SH3GL2: variants seen among roughly 807,000 people sequenced by gnomAD.
The protein encoded by SH3GL2 is endophilin-A1.
SH3GL2 carries 24 observed loss-of-function variants against 46.0 expected under a neutral mutation model. The ratio of observed to expected loss-of-function variants is 0.52; its 90% CI spans 0.38 to 0.73. The LOEUF is 0.73. Among genes scored for constraint, SH3GL2 ranks in the 30% least tolerant of loss-of-function variants. The pLI is 0.00. For missense variants in SH3GL2, 413 were observed against 424.2 expected (o/e 0.97, Z 0.23); for synonymous variants, 196 against 147.1 (o/e 1.33, Z -2.40).
chr9:17,719,007 A>G (rs147515057), intron 1 of SH3GL2, among the ~76,000 whole-genome samples: 3 of 152,246 alleles, frequency 2.0e-5, no homozygotes, highest in East Asian at 1.9e-4. Context: ...TGTCATAAAG[A>G]TGAGTTAAAA....
chr9:17,586,470 A>G (rs1182734325), intron 1 of SH3GL2, among the ~76,000 whole-genome samples: 10 of 152,210 alleles, frequency 6.6e-5, no homozygotes, highest in Non-Finnish European at 1.3e-4. Flanking sequence ...ATGCTGAGAA[A>G]CATCTCAATA....
chr9:17,721,184 G>T (rs1394623043), intron 1 of SH3GL2, among the ~76,000 whole-genome samples: 1 of 151,974 alleles, frequency 6.6e-6, no homozygotes. Context: ...GCTCTTAGAA[G>T]TGGACCCACC....
chr9:17,742,721 G>A (rs1014124078), intron 1 of SH3GL2, among the ~76,000 whole-genome samples: 12 of 152,196 alleles, frequency 7.9e-5, no homozygotes, highest in Admixed American at 7.2e-4. Flanking sequence ...AATACAGAGT[G>A]TATGGGAAGT....
intron 3 of SH3GL2, among the ~76,000 whole-genome samples, chr9:17,784,831 G>A (rs1188454683): frequency 6.6e-6 from 1 of 152,142 alleles, no homozygotes; most frequent in Non-Finnish European, 1.5e-5. Flanking sequence ...TTCCACGTCA[G>A]CTTCCCTAGT....
chr9:17,658,431 T>A (rs1220571256), intron 1 of SH3GL2, among the ~76,000 whole-genome samples: 7 of 152,244 alleles, frequency 4.6e-5, no homozygotes, highest in Admixed American at 4.6e-4. Context: ...TTCATCTGAA[T>A]TCTGCTGGGT....
intron 7 of SH3GL2, among the ~76,000 whole-genome samples, chr9:17,792,159 C>G (rs79165101): frequency 6.6e-6 from 1 of 152,170 alleles, no homozygotes; most frequent in African/African-American, 2.4e-5. Flanking sequence ...ACCAATCATA[C>G]GATTCCACAC....
intron 1 of SH3GL2, among the ~76,000 whole-genome samples, chr9:17,707,787 C>T (rs16923327): frequency 0.094 from 14,278 of 152,024 alleles, 2,209 homozygotes; most frequent in African/African-American, 0.32. Context: ...AGCACGGTCC[C>T]TTACATAAGC....
intron 3 of SH3GL2, among the ~76,000 whole-genome samples, chr9:17,763,883 C>T (rs758918615): frequency 6.6e-6 from 1 of 152,176 alleles, no homozygotes; most frequent in African/African-American, 2.4e-5. Flanking sequence ...GAAGGGTAGG[C>T]TCCATTTCAT....
At chr9:17,726,916 T>C (rs943133853) in intron 1 of SH3GL2, among the ~76,000 whole-genome samples, 2 of 152,140 alleles carry the variant, frequency 1.3e-5, no homozygotes, top group Non-Finnish European at 2.9e-5. Context: ...GGTTGAATAT[T>C]ATATAGTCAC....
At chr9:17,635,926 C>T (rs911490229) in intron 1 of SH3GL2, among the ~76,000 whole-genome samples, 2 of 152,194 alleles carry the variant, frequency 1.3e-5, no homozygotes, top group East Asian at 1.9e-4. Context: ...AGCCTGGTCA[C>T]AGCAGCAAGT....
chr9:17,764,512 T>C (rs920104953), intron 3 of SH3GL2, among the ~76,000 whole-genome samples: 3 of 152,200 alleles, frequency 2.0e-5, no homozygotes, highest in African/African-American at 7.2e-5. Context: ...GGCCAACCAG[T>C]GTGGATACTG....
At chr9:17,686,509 A>T (rs1170673856) in intron 1 of SH3GL2, among the ~76,000 whole-genome samples, 1 of 147,182 alleles carries the variant, frequency 6.8e-6, no homozygotes, top group East Asian at 2.0e-4. Context: ...TTGCGGCATT[A>T]TCCACAATAG....
At chr9:17,684,165 C>T (rs1383279633) in intron 1 of SH3GL2, among the ~76,000 whole-genome samples, 3 of 151,912 alleles carry the variant, frequency 2.0e-5, no homozygotes, top group Non-Finnish European at 4.4e-5. Context: ...TAACTATGAT[C>T]AATATGTTAA....
intron 1 of SH3GL2, chr9:17,735,929 C>T (rs1002963032): frequency 6.2e-6 from 1 of 160,996 alleles, no homozygotes; most frequent in Non-Finnish European, 1.3e-5. Flanking sequence ...GTTCTGATAC[C>T]TGAGACTGTG....
chr9:17,789,642 T>C (rs762414965), intron 6 of SH3GL2, 92 bp downstream of exon 6: 21 of 1,559,206 alleles, frequency 1.3e-5, no homozygotes, highest in Non-Finnish European at 1.8e-5. Flanking sequence ...CATTAATATC[T>C]GATTACACTA....
At chr9:17,736,063 C>A (rs562667754) in intron 1 of SH3GL2, among the ~76,000 whole-genome samples, 12 of 152,142 alleles carry the variant, frequency 7.9e-5, no homozygotes, top group Non-Finnish European at 1.6e-4. Flanking sequence ...CAGCAGACCT[C>A]ACGGCATAGG....
intron 1 of SH3GL2, among the ~76,000 whole-genome samples, chr9:17,733,699 A>G (rs1207354884): frequency 6.6e-6 from 1 of 152,128 alleles, no homozygotes; most frequent in East Asian, 1.9e-4. Flanking sequence ...TATTCACAAT[A>G]GCAAAGACTT....
At chr9:17,622,986 GTTTCCTTTCCTTTCCTTTCC>G (rs1210987554) in intron 1 of SH3GL2, among the ~76,000 whole-genome samples, 1 of 99,352 alleles carries the variant, frequency 1.0e-5, no homozygotes, top group African/African-American at 4.3e-5. Flanking sequence ...GTTTCCTTTC[GTTTCCTTTCCTTTCCTTTCC>G]TTTCCTTTCC....
intron 3 of SH3GL2, among the ~76,000 whole-genome samples, chr9:17,767,714 G>C (rs1039479454): frequency 3.3e-5 from 5 of 152,196 alleles, no homozygotes; most frequent in African/African-American, 9.7e-5. Flanking sequence ...CTAGTAGCCA[G>C]AGCTTTTCCA....
Sources: gnomAD v4.1 joint callset for allele counts (sites outside exome capture counted in the v4.1 genomes callset) on GRCh38, gnomAD v4.1.1 for gene constraint, MANE v1.5 for transcripts, NCBI Gene and HGNC (gene_info 2026-07-23, HGNC 2026-07-21) for gene names.